The following KCTD1 variants were observed in gnomAD, a reference collection of about 807,000 sequenced individuals.
KCTD1 encodes the protein potassium channel tetramerization domain containing 1.
In KCTD1, 24 loss-of-function variants were observed where a neutral mutation model predicts 66.0. That is an observed-to-expected ratio of 0.36 (90% CI 0.26 to 0.51). The LOEUF (loss-of-function observed/expected upper bound fraction) is 0.51, where lower values mean the gene tolerates loss of function less well. KCTD1 is among the 20% of genes least tolerant of loss of function. KCTD1 has a pLI of 0.95. For synonymous variants in KCTD1, 511 were observed against 517.2 expected (o/e 0.99, Z 0.16); for missense variants, 943 against 1,205.2 (o/e 0.78, Z 3.22).
intron 1 of KCTD1, among the ~76,000 whole-genome samples, chr18:26,509,763 T>C (rs1983239397): frequency 6.6e-6 from 1 of 152,210 alleles, no homozygotes; most frequent in Admixed American, 6.5e-5. Flanking sequence ...AAAAGTCACA[T>C]ATACAGGGCA....
At chr18:26,512,069 C>A (rs1983362613) in intron 1 of KCTD1, among the ~76,000 whole-genome samples, 1 of 152,140 alleles carries the variant, frequency 6.6e-6, no homozygotes, top group African/African-American at 2.4e-5. Flanking sequence ...TAAATGTGCT[C>A]CTTTTAACTT....
rs906881972 is a variant in KCTD1 at position 26,455,002 on chromosome 18, T to TAATA, written c.*737_*740dup. The TAATA allele has an allele frequency of 6.5e-6, 1 of 152,698 alleles. No homozygotes were observed. Among genetic ancestry groups the TAATA allele is most frequent in the African/African-American group, 2.4e-5 (1 of 41,478 alleles). 9.5% of individuals were successfully genotyped at this position (152,698 alleles called of 1,614,324 possible). A position where few individuals can be genotyped will look rare whatever the true frequency, so the allele number is the denominator to read the frequency against. On this transcript the variant is annotated 3_prime_UTR_variant, in exon 5 of 5. Transcript: ENST00000580059. ...TTTTTTAAACAGAGTTTATTGTATT[T>TAATA]AATACATTATAAAATTTGAAAAATT... is the stretch of plus-strand genomic sequence containing the variant.
chr18:26,457,855 C>T (rs373249819), intron 4 of KCTD1: 1 of 152,288 alleles, frequency 6.6e-6, no homozygotes, highest in East Asian at 1.9e-4. Flanking sequence ...TGTCATATGA[C>T]CACGTTAATC....
intron 1 of KCTD1, among the ~76,000 whole-genome samples, chr18:26,588,503 A>G (rs1055319483): frequency 5.3e-5 from 8 of 152,228 alleles, no homozygotes; most frequent in African/African-American, 1.7e-4. Flanking sequence ...GGGTTTATCA[A>G]TAAGTATGGA....
At chr18:26,647,077 G>C (rs897480455) in intron 1 of KCTD1, among the ~76,000 whole-genome samples, 3 of 152,094 alleles carry the variant, frequency 2.0e-5, no homozygotes, top group Non-Finnish European at 4.4e-5. Context: ...GACTGGAGCA[G>C]GTCTAGATAA....
chr18:26,542,138 G>A (rs1162899489), intron 1 of KCTD1, among the ~76,000 whole-genome samples: 7 of 152,162 alleles, frequency 4.6e-5, no homozygotes, highest in African/African-American at 7.2e-5. Context: ...AGTTAACAGT[G>A]GATGAACTGA....
At chr18:26,649,331 G>A (rs1406249674) in intron 1 of KCTD1, among the ~76,000 whole-genome samples, 2 of 152,138 alleles carry the variant, frequency 1.3e-5, no homozygotes, top group Non-Finnish European at 2.9e-5. Flanking sequence ...GCCTCTTATG[G>A]TCCATATCTC....
chr18:26,550,609 G>T (rs1985526525), upstream of KCTD1, among the ~76,000 whole-genome samples: 1 of 93,838 alleles, frequency 1.1e-5, no homozygotes, highest in African/African-American at 4.5e-5. The surrounding 1 kb of genome is among the most constrained non-coding windows in gnomAD (Gnocchi z 5.4). Context: ...CACACACCAC[G>T]CTCTCATCCG....
intron 1 of KCTD1, among the ~76,000 whole-genome samples, chr18:26,593,526 AAGG>A (rs1409212893): frequency 8.4e-6 from 1 of 119,376 alleles, no homozygotes; most frequent in East Asian, 2.7e-4. Flanking sequence ...GGAAGAAGAC[AAGG>A]AGAAGGAGGA....
chr18:26,585,000 G>T (rs1330266595), intron 1 of KCTD1, among the ~76,000 whole-genome samples: 1 of 152,138 alleles, frequency 6.6e-6, no homozygotes, highest in African/African-American at 2.4e-5. Flanking sequence ...GGTCTAGATT[G>T]CAAGGAGCCC....
intron 3 of KCTD1, among the ~76,000 whole-genome samples, chr18:26,473,950 G>A (rs937562120): frequency 2.0e-5 from 3 of 152,148 alleles, no homozygotes; most frequent in African/African-American, 4.8e-5. Flanking sequence ...TTTCCATTTG[G>A]CTAATAATCC....
At chr18:26,611,436 C>T (rs764342954) in intron 1 of KCTD1, among the ~76,000 whole-genome samples, 3 of 152,116 alleles carry the variant, frequency 2.0e-5, no homozygotes, top group Non-Finnish European at 4.4e-5. Flanking sequence ...CTGCAACCTC[C>T]ACCTCCCGGG....
At chr18:26,482,471 C>G (rs1193604929) in intron 2 of KCTD1, among the ~76,000 whole-genome samples, 1 of 152,050 alleles carries the variant, frequency 6.6e-6, no homozygotes, top group Non-Finnish European at 1.5e-5. Flanking sequence ...GAGGTTTCAT[C>G]TCCACTTACC....
chr18:26,458,676 A>ACTT (rs1333754904), intron 4 of KCTD1: 1 of 152,344 alleles, frequency 6.6e-6, no homozygotes, highest in African/African-American at 2.4e-5. Flanking sequence ...GCTCCCCTAC[A>ACTT]CTTCTCCATC....
upstream of KCTD1, among the ~76,000 whole-genome samples, chr18:26,632,069 C>CAA (rs987430327): frequency 2.5e-4 from 33 of 131,044 alleles, no homozygotes; most frequent in African/African-American, 9.2e-4. Flanking sequence ...AAACAAACAA[C>CAA]AAAAAAAAAC....
At chr18:26,523,431 C>G (rs1984010270) in intron 1 of KCTD1, among the ~76,000 whole-genome samples, 1 of 152,066 alleles carries the variant, frequency 6.6e-6, no homozygotes, top group Non-Finnish European at 1.5e-5. Flanking sequence ...AATAGTCCTC[C>G]CCCGGCCACC....
chr18:26,549,252 G>A (rs1985442552), upstream of KCTD1: 1 of 986,258 alleles, frequency 1.0e-6, no homozygotes, highest in Non-Finnish European at 1.2e-6. Context: ...ACTTGCTGGC[G>A]GCGAGGCGCG....
chr18:26,609,957 T>C (rs1361068974), intron 1 of KCTD1, among the ~76,000 whole-genome samples: 1 of 152,246 alleles, frequency 6.6e-6, no homozygotes, highest in Non-Finnish European at 1.5e-5. Context: ...ATTTGCACTA[T>C]ACATACCCAT....
At chr18:26,599,283 A>G in intron 1 of KCTD1, 1 of 781,244 alleles carries the variant, frequency 1.3e-6, no homozygotes, top group Non-Finnish European at 2.0e-6. Context: ...TTCTCCATTG[A>G]ATTGTTTGGT....
Sources: allele counts gnomAD v4.1 joint callset (sites outside exome capture counted in the v4.1 genomes callset), GRCh38; gene constraint gnomAD v4.1.1; non-coding constraint Gnocchi (gnomAD v3.1); transcripts MANE v1.5; gene names NCBI Gene and HGNC (gene_info 2026-07-23, HGNC 2026-07-21).